Variants in FRMD3 observed in about 807,000 individuals in gnomAD.
FRMD3 encodes FERM domain-containing protein 3.
FRMD3 carries 33 observed loss-of-function variants against 70.2 expected under a neutral mutation model. That is an observed-to-expected ratio of 0.47 (90% CI 0.36 to 0.63). FRMD3 has a LOEUF of 0.63. Ranked by LOEUF, FRMD3 falls within the 20% of genes least tolerant of loss-of-function variation. The probability of loss-of-function intolerance (pLI) is 0.00; values close to 1 mark genes in which losing one functional copy is unlikely to be tolerated. For missense variants in FRMD3, 632 were observed against 711.4 expected (o/e 0.89, Z 1.27); for synonymous variants, 279 against 255.9 (o/e 1.09, Z -0.86).
chr9:83,335,614 A>C lies in FRMD3; in HGVS notation c.498T>G (p.Asp166Glu). Residue 166 changes from aspartate to glutamate, a missense_variant, in exon 6 of 14, where the codon GAT (aspartate) becomes GAG (glutamate). Physicochemically the swap from Asp to Glu is conservative, Grantham distance 45. Coordinates refer to ENST00000304195, the MANE Select transcript of FRMD3 (RefSeq NM_174938.6). ...VQAELGDYDP[D>E]EHPENYISEF... Reference sequence around the variant, plus strand: ...CACTGATGTAATTCTCAGGATGCTCATCAGGATCGTAATCACCAAGCTCAG... The same window carrying C: ...CACTGATGTAATTCTCAGGATGCTCCTCAGGATCGTAATCACCAAGCTCAG... 2 of 1,613,408 alleles carry C rather than the reference A, an allele frequency of 1.2e-6. No homozygotes were observed. Among genetic ancestry groups the C allele is most frequent in the Non-Finnish European group, 1.7e-6 (2 of 1,179,508 alleles).
intron 5 of FRMD3, among the ~76,000 whole-genome samples, chr9:83,338,738 C>T (rs1397654001): frequency 6.6e-6 from 1 of 151,930 alleles, no homozygotes; most frequent in African/African-American, 2.4e-5. Context: ...GTATATGAAC[C>T]CAGCATTGCC....
intron 3 of FRMD3, among the ~76,000 whole-genome samples, chr9:83,353,448 T>C (rs997661538): frequency 1.3e-5 from 2 of 152,198 alleles, no homozygotes; most frequent in African/African-American, 4.8e-5. Flanking sequence ...CTGATCTAGT[T>C]ATGGATGACA....
intron 1 of FRMD3, among the ~76,000 whole-genome samples, chr9:83,491,102 G>C (rs569604151): frequency 5.3e-5 from 8 of 152,166 alleles, no homozygotes; most frequent in African/African-American, 1.9e-4. Flanking sequence ...ATTTAACCCT[G>C]AGTCTCCCAT....
rs67469418 is a variant in FRMD3, at chr9:83,362,175, TTCTCTCTCTC to T, written c.295+10728_295+10737del. ...ACCAGAGCAAAATCGATGCTGTTGG[TTCTCTCTCTC>T]TCTCTCTCTCTCTCTCTCTCTCTCA... On this transcript the variant is annotated intron_variant, in intron 3 of 13. Transcript: ENST00000304195. Among the ~76,000 whole-genome samples, 1,158 of 147,032 alleles carry T rather than the reference TTCTCTCTCTC, an allele frequency of 7.9e-3. 15 individuals carry two copies. Among genetic ancestry groups the T allele is most frequent in the African/African-American group, 0.026 (1,024 of 39,530 alleles).
At chr9:83,385,297 T>A (rs1158786822) in intron 2 of FRMD3, among the ~76,000 whole-genome samples, 1 of 152,112 alleles carries the variant, frequency 6.6e-6, no homozygotes, top group Non-Finnish European at 1.5e-5. Context: ...ACCACCCACT[T>A]TTTCCCTAAT....
At chr9:83,343,904 A>T (rs1024624808) in intron 4 of FRMD3, among the ~76,000 whole-genome samples, 6 of 152,236 alleles carry the variant, frequency 3.9e-5, no homozygotes, top group Non-Finnish European at 8.8e-5. Context: ...GACACGGGCA[A>T]GTCACCTGTG....
chr9:83,243,367 G>A (rs1424599555), downstream of FRMD3, among the ~76,000 whole-genome samples: 1 of 152,224 alleles, frequency 6.6e-6, no homozygotes, highest in African/African-American at 2.4e-5. Flanking sequence ...AACCATCCCA[G>A]AAGTCACCCC....
chr9:83,505,554 G>A (rs1032643375), intron 1 of FRMD3, among the ~76,000 whole-genome samples: 4 of 152,128 alleles, frequency 2.6e-5, no homozygotes, highest in Admixed American at 6.5e-5. Flanking sequence ...TCCTAACAAA[G>A]TGATCAGATT....
At chr9:83,494,833 ATGTGTGTGTG>A (rs377201441) in intron 1 of FRMD3, among the ~76,000 whole-genome samples, 2 of 149,320 alleles carry the variant, frequency 1.3e-5, no homozygotes, top group Non-Finnish European at 3.0e-5. Flanking sequence ...CTGTGCATTT[ATGTGTGTGTG>A]TGTGTGTGTG....
intron 1 of FRMD3, among the ~76,000 whole-genome samples, chr9:83,535,250 C>T (rs973137496): frequency 6.6e-6 from 1 of 152,198 alleles, no homozygotes; most frequent in African/African-American, 2.4e-5. Flanking sequence ...CACATTGTCT[C>T]AAGCAATAGT....
intron 1 of FRMD3, among the ~76,000 whole-genome samples, chr9:83,400,041 G>GAGAAA (rs947851915): frequency 6.6e-6 from 1 of 151,974 alleles, no homozygotes; most frequent in Non-Finnish European, 1.5e-5. Flanking sequence ...GAGGAGAAGA[G>GAGAAA]AGAAAAGAAA....
intron 1 of FRMD3, among the ~76,000 whole-genome samples, chr9:83,419,571 AATGTGTGTGAT>A (rs1826568175): frequency 6.6e-6 from 1 of 150,390 alleles, no homozygotes; most frequent in East Asian, 2.0e-4. Flanking sequence ...ACGTGTGTTG[AATGTGTGTGAT>A]ATGTGTTCAT....
intron 10 of FRMD3, 147 bp from the exon 11 acceptor site, chr9:83,299,333 T>C (rs1834811216): frequency 5.2e-6 from 3 of 573,634 alleles, no homozygotes; most frequent in African/African-American, 3.8e-5. Context: ...ACACAAAATA[T>C]AAGAAAAGCT....
At chr9:83,307,129 C>T (rs192534556) in intron 10 of FRMD3, among the ~76,000 whole-genome samples, 1 of 151,990 alleles carries the variant, frequency 6.6e-6, no homozygotes, top group Admixed American at 6.5e-5. Context: ...TTTTTAATTC[C>T]CTCATATGCA....
chr9:83,569,801 A>G, the FRMD3 span, among the ~76,000 whole-genome samples: 1 of 152,214 alleles, frequency 6.6e-6, no homozygotes, highest in African/African-American at 2.4e-5. Context: ...ATACTTCAGC[A>G]TATTTCTACA....
chr9:83,508,749 C>T (rs1032605917), intron 1 of FRMD3, among the ~76,000 whole-genome samples: 1 of 152,166 alleles, frequency 6.6e-6, no homozygotes, highest in East Asian at 1.9e-4. Flanking sequence ...GCAGCACGTG[C>T]CCAATCCCAG....
intron 5 of FRMD3, among the ~76,000 whole-genome samples, chr9:83,337,943 A>C (rs1180879150): frequency 2.0e-5 from 3 of 152,248 alleles, no homozygotes; most frequent in African/African-American, 7.2e-5. Context: ...ATTTCTGTTT[A>C]ATAAAGGACA....
intron 1 of FRMD3, among the ~76,000 whole-genome samples, chr9:83,507,240 G>T (rs1666901650): frequency 6.6e-6 from 1 of 151,876 alleles, no homozygotes; most frequent in Non-Finnish European, 1.5e-5. Flanking sequence ...GGTGGCACAT[G>T]CCTGTAATCC....
the FRMD3 span, among the ~76,000 whole-genome samples, chr9:83,574,909 C>G: frequency 6.6e-6 from 1 of 152,108 alleles, no homozygotes; most frequent in African/African-American, 2.4e-5. Context: ...TTATTACTTA[C>G]CAGATGTGAT....
Sources: allele counts gnomAD v4.1 joint callset (sites outside exome capture counted in the v4.1 genomes callset), GRCh38; gene constraint gnomAD v4.1.1; transcripts MANE v1.5; gene names NCBI Gene and HGNC (gene_info 2026-07-23, HGNC 2026-07-21).